DLG2: variants seen among roughly 807,000 people sequenced by gnomAD.
DLG2 encodes the protein discs large MAGUK scaffold protein 2.
In DLG2, 45 loss-of-function variants were observed where a neutral mutation model predicts 132.5. The observed-to-expected ratio is 0.34, with a 90% CI of 0.27 to 0.44. DLG2 has a LOEUF of 0.44. DLG2 is among the 20% of genes least tolerant of loss of function. The probability of loss-of-function intolerance (pLI) is 1.00; values close to 1 mark genes in which losing one functional copy is unlikely to be tolerated. For missense variants in DLG2, 1,045 were observed against 1,196.9 expected, an observed-to-expected ratio of 0.87 and a Z score of 1.87; for synonymous variants, 424 against 419.6, an observed-to-expected ratio of 1.01 and a Z score of -0.13.
chr11:83,818,789 G>A (rs1000386610), intron 17 of DLG2, among the ~76,000 whole-genome samples: 2 of 152,094 alleles, frequency 1.3e-5, no homozygotes, highest in African/African-American at 4.8e-5. Flanking sequence ...TGTACTCTTT[G>A]TCATAAGAAA....
chr11:85,199,541 G>C (rs2081298696), intron 4 of DLG2, among the ~76,000 whole-genome samples: 1 of 152,098 alleles, frequency 6.6e-6, no homozygotes, highest in Non-Finnish European at 1.5e-5. Flanking sequence ...TTATAACTCA[G>C]CTATTGCTTG....
chr11:83,563,434 G>C (rs2096649244), intron 19 of DLG2, among the ~76,000 whole-genome samples: 1 of 152,202 alleles, frequency 6.6e-6, no homozygotes, highest in Admixed American at 6.5e-5. Context: ...GTCATTGGAA[G>C]TGTTAACGTA....
chr11:84,032,121 A>G (rs998303360), intron 11 of DLG2, among the ~76,000 whole-genome samples: 10 of 152,154 alleles, frequency 6.6e-5, no homozygotes, highest in African/African-American at 2.4e-4. Flanking sequence ...CCCGAGGCTA[A>G]ATAATAACCC....
intron 18 of DLG2, among the ~76,000 whole-genome samples, chr11:83,703,948 G>GAAGT (rs1284752414): frequency 1.3e-5 from 2 of 152,046 alleles, no homozygotes; most frequent in Non-Finnish European, 2.9e-5. Flanking sequence ...TGGACATGAA[G>GAAGT]AAGTGCCCAC....
At chr11:84,280,240 TTAAAA>T in intron 7 of DLG2, among the ~76,000 whole-genome samples, 2 of 152,048 alleles carry the variant, frequency 1.3e-5, no homozygotes. Flanking sequence ...TTCATAGAAA[TTAAAA>T]TAAAAAATAA....
chr11:84,359,286 C>T (rs1224008827), intron 7 of DLG2, among the ~76,000 whole-genome samples: 2 of 151,770 alleles, frequency 1.3e-5, no homozygotes, highest in Non-Finnish European at 2.9e-5. Context: ...CTGTAACTCC[C>T]TGGTTGTGCT....
rs796736210 is a variant in DLG2 at position 84,402,988 on chromosome 11, C to A, written c.519+131582G>T. Among the ~76,000 whole-genome samples, 20 of 145,254 alleles carry A rather than the reference C, an allele frequency of 1.4e-4. 1 individual carries two copies. Among genetic ancestry groups the A allele is most frequent in the African/African-American group, 5.5e-4 (20 of 36,364 alleles). ...GAAAAGGAAGAATTCCATTCCCCCA[C>A]TCCAATTCTCTCTCTCTCTCTCTCT... On this transcript the variant is annotated intron_variant, in intron 7 of 27. Coordinates refer to ENST00000376104, the MANE Select transcript of DLG2 (RefSeq NM_001142699.3).
At chr11:83,875,213 G>C (rs2064458102) in intron 15 of DLG2, among the ~76,000 whole-genome samples, 1 of 152,038 alleles carries the variant, frequency 6.6e-6, no homozygotes, top group Non-Finnish European at 1.5e-5. Context: ...ATTTAATGTA[G>C]TTCTAGATTT....
intron 6 of DLG2, among the ~76,000 whole-genome samples, chr11:84,576,639 A>G (rs1219217272): frequency 6.6e-6 from 1 of 152,210 alleles, no homozygotes. Context: ...CACAAAAATG[A>G]GAGAAGGCAT....
chr11:85,472,166 G>C (rs1312703798), intron 3 of DLG2, among the ~76,000 whole-genome samples: 1 of 152,074 alleles, frequency 6.6e-6, no homozygotes. Context: ...GCTTTTTCCA[G>C]TGCTGCCCAT....
intron 19 of DLG2, among the ~76,000 whole-genome samples, chr11:83,597,255 GCTAT>G (rs1327166323): frequency 6.6e-6 from 1 of 152,156 alleles, no homozygotes; most frequent in East Asian, 1.9e-4. Flanking sequence ...AGGATCATGA[GCTAT>G]CTGAGAGTGG....
At chr11:85,608,618 A>G (rs542616101) in intron 2 of DLG2, among the ~76,000 whole-genome samples, 7 of 152,152 alleles carry the variant, frequency 4.6e-5, no homozygotes, top group Middle Eastern at 3.4e-3. Context: ...TCCCCGGCCC[A>G]GAAGGAAATA....
chr11:83,570,314 T>C (rs988303020), intron 19 of DLG2, among the ~76,000 whole-genome samples: 2 of 152,154 alleles, frequency 1.3e-5, no homozygotes, highest in Non-Finnish European at 2.9e-5. Context: ...AGAATAGAGA[T>C]GAAAATTCTT....
At chr11:83,816,756 G>A (rs2049067209) in intron 17 of DLG2, among the ~76,000 whole-genome samples, 1 of 152,128 alleles carries the variant, frequency 6.6e-6, no homozygotes, top group Admixed American at 6.5e-5. Flanking sequence ...CCCAAAGGAT[G>A]TTCAACGTTT....
chr11:84,007,042 C>T (rs2094604186), intron 11 of DLG2, among the ~76,000 whole-genome samples: 1 of 151,718 alleles, frequency 6.6e-6, no homozygotes, highest in Non-Finnish European at 1.5e-5. Context: ...TAGAAGCTAA[C>T]TTTACTACCT....
At chr11:84,107,270 A>T (rs2093031342) in intron 9 of DLG2, among the ~76,000 whole-genome samples, 1 of 152,026 alleles carries the variant, frequency 6.6e-6, no homozygotes, top group Admixed American at 6.6e-5. Context: ...ACTTAATTTC[A>T]TGTAGTATAG....
At chr11:84,188,860 G>A (rs1035404331) in intron 8 of DLG2, among the ~76,000 whole-genome samples, 1 of 152,128 alleles carries the variant, frequency 6.6e-6, no homozygotes, top group Non-Finnish European at 1.5e-5. Flanking sequence ...GCTTGCCTGA[G>A]TATACCCTCA....
chr11:85,328,616 G>A (rs1441200519), intron 3 of DLG2, among the ~76,000 whole-genome samples: 4 of 122,098 alleles, frequency 3.3e-5, no homozygotes, highest in Non-Finnish European at 5.1e-5. Context: ...GTATTGATGG[G>A]ACGTATTTCA....
intron 6 of DLG2, among the ~76,000 whole-genome samples, chr11:85,107,779 A>G (rs1044767848): frequency 6.6e-6 from 1 of 151,906 alleles, no homozygotes; most frequent in African/African-American, 2.4e-5. Context: ...AGAGAAACAA[A>G]CTGCCACACT....
Sources: allele counts gnomAD v4.1 joint callset (sites outside exome capture counted in the v4.1 genomes callset), GRCh38; gene constraint gnomAD v4.1.1; transcripts MANE v1.5; gene names NCBI Gene and HGNC (gene_info 2026-07-23, HGNC 2026-07-21).